Variants in TRAF2 observed in about 807,000 individuals in gnomAD.
The protein encoded by TRAF2 is TNF receptor-associated factor 2.
Under a neutral mutation model 55.6 loss-of-function variants are expected in TRAF2, and 6 were observed. The ratio of observed to expected loss-of-function variants is 0.11; its 90% CI spans 0.06 to 0.21. TRAF2 has a LOEUF of 0.21. Among genes scored for constraint, TRAF2 ranks in the 10% least tolerant of loss-of-function variants. The probability of loss-of-function intolerance (pLI) is 1.00; values close to 1 mark genes in which losing one functional copy is unlikely to be tolerated. For synonymous variants in TRAF2, 329 were observed against 276.3 expected (o/e 1.19, Z -1.89); for missense variants, 561 against 684.5 (o/e 0.82, Z 2.01).
chr9:136,913,969 C>T (rs537015542), intron 6 of TRAF2, among the ~76,000 whole-genome samples: 1 of 152,094 alleles, frequency 6.6e-6, no homozygotes, highest in Admixed American at 6.6e-5. Context: ...CTGTGGGGCT[C>T]GCTGGATAGG....
rs185299204 is a variant in TRAF2, at chr9:136,891,302, G to T, written c.-29+4761G>T. Among the ~76,000 whole-genome samples, 224 of 152,050 alleles carry T rather than the reference G, an allele frequency of 1.5e-3. No individual in the cohort carries two copies. In the Middle Eastern group the frequency reaches 0.024, roughly 16 times the overall value. The stretch of plus-strand genomic sequence containing the variant: ...TTTTTGTATTTTTAGTGGAGACGGG[G>T]TCTCACCATGTTGGCCAGCCTGGTC... On this transcript the variant is annotated intron_variant, in intron 1 of 10. Transcript: ENST00000247668.
chr9:136,910,137 GGATGC>G (rs1310040261), intron 6 of TRAF2, 143 bp downstream of exon 6: 1 of 922,112 alleles, frequency 1.1e-6, no homozygotes, highest in African/African-American at 1.6e-5. Context: ...GTTGGGTCAT[GGATGC>G]GTTCAGGGTG....
intron 2 of TRAF2, 29 bp from the exon 3 acceptor site, chr9:136,899,565 G>A: frequency 1.3e-6 from 2 of 1,597,562 alleles, no homozygotes; most frequent in Non-Finnish European, 1.7e-6. Context: ...TTTCACAGTG[G>A]GTTGTTTTTT....
intron 1 of TRAF2, among the ~76,000 whole-genome samples, chr9:136,898,098 C>T: frequency 6.7e-6 from 1 of 149,356 alleles, no homozygotes; most frequent in African/African-American, 2.5e-5. Context: ...TGCTACATTC[C>T]CGCTCTCGGG....
intron 6 of TRAF2, among the ~76,000 whole-genome samples, chr9:136,911,125 C>A (rs996222913): frequency 2.0e-5 from 3 of 152,326 alleles, no homozygotes; most frequent in Middle Eastern, 3.4e-3. Context: ...GGAGGTGATT[C>A]TTTCCTTGAG....
chr9:136,886,227 C>G (rs1849442604), upstream of TRAF2: 1 of 201,684 alleles, frequency 5.0e-6, no homozygotes, highest in Non-Finnish European at 8.8e-6. Flanking sequence ...TCACCAGCTC[C>G]CCGCACCAAC....
chr9:136,899,540 G>A (rs2131291961), intron 2 of TRAF2, 54 bp from the exon 3 acceptor site: 1 of 1,551,488 alleles, frequency 6.4e-7, no homozygotes, highest in Non-Finnish European at 8.8e-7. Context: ...AATGGTGTTT[G>A]TTTTTTGCAT....
At chr9:136,893,097 T>G (rs1849613916) in intron 1 of TRAF2, among the ~76,000 whole-genome samples, 1 of 152,166 alleles carries the variant, frequency 6.6e-6, no homozygotes, top group South Asian at 2.1e-4. Context: ...CACCTCAGTT[T>G]GCCACGGCTG....
chr9:136,909,197 C>T (rs1019668982), intron 5 of TRAF2, among the ~76,000 whole-genome samples: 1 of 39,884 alleles, frequency 2.5e-5, no homozygotes, highest in African/African-American at 1.3e-4. Context: ...GACAGTTGCT[C>T]AAGTCTGACT....
At chr9:136,906,384 A>G (rs1386203136) in intron 4 of TRAF2, among the ~76,000 whole-genome samples, 1 of 152,192 alleles carries the variant, frequency 6.6e-6, no homozygotes, top group Non-Finnish European at 1.5e-5. Flanking sequence ...TCATGGAGGA[A>G]GGCAAAGGAG....
intron 5 of TRAF2, among the ~76,000 whole-genome samples, chr9:136,909,466 T>C (rs1214803318): frequency 6.6e-6 from 1 of 152,188 alleles, no homozygotes; most frequent in Non-Finnish European, 1.5e-5. Context: ...TGCACTTCCC[T>C]GTAAACTGTC....
intron 4 of TRAF2, 147 bp from the exon 5 acceptor site, chr9:136,907,923 C>T (rs1371668511): frequency 1.1e-6 from 1 of 929,376 alleles, no homozygotes; most frequent in African/African-American, 1.7e-5. Context: ...CCTGTGGGAG[C>T]CCTGAGAGCT....
chr9:136,899,365 C>G (rs1047198418), intron 2 of TRAF2, among the ~76,000 whole-genome samples: 11 of 152,160 alleles, frequency 7.2e-5, no homozygotes, highest in Admixed American at 6.5e-4. Context: ...CAGCAGATGT[C>G]CTTGGCGGTT....
intron 1 of TRAF2, among the ~76,000 whole-genome samples, chr9:136,898,333 C>T (rs1367928125): frequency 2.0e-5 from 3 of 152,202 alleles, no homozygotes; most frequent in African/African-American, 7.2e-5. Flanking sequence ...TGGGGGAGAC[C>T]AAAGGGCCTA....
intron 4 of TRAF2, among the ~76,000 whole-genome samples, chr9:136,904,780 G>T (rs4880156): frequency 1.3e-5 from 2 of 151,876 alleles, no homozygotes; most frequent in East Asian, 1.9e-4. Context: ...TCATAAGCCA[G>T]AATAGTTGCT....
upstream of TRAF2, chr9:136,886,491 G>GGGGGCGGTAGC: frequency 1.0e-6 from 1 of 1,002,808 alleles, no homozygotes; most frequent in South Asian, 4.3e-5. Flanking sequence ...CGGCGGCGTT[G>GGGGGCGGTAGC]GGGGCGGTAG....
At chr9:136,886,651 GC>G in intron 1 of TRAF2, 110 bp downstream of exon 1, 1 of 733,714 alleles carries the variant, frequency 1.4e-6, no homozygotes, top group Non-Finnish European at 1.7e-6. Flanking sequence ...GAGACTCCGG[GC>G]CGGAGCGGGA....
intron 6 of TRAF2, among the ~76,000 whole-genome samples, chr9:136,915,354 A>T (rs1250756161): frequency 6.6e-6 from 1 of 151,896 alleles, no homozygotes; most frequent in Non-Finnish European, 1.5e-5. Flanking sequence ...GTCTCCCGAG[A>T]CTTGCCAGCA....
upstream of TRAF2, chr9:136,886,405 C>A (rs17250001): frequency 0.042 from 41,949 of 990,776 alleles, 966 homozygotes; most frequent in Middle Eastern, 0.046. Flanking sequence ...ATGGCTCTCG[C>A]TACAGCTTCC....
Sources: allele counts gnomAD v4.1 joint callset (sites outside exome capture counted in the v4.1 genomes callset), GRCh38; gene constraint gnomAD v4.1.1; transcripts MANE v1.5; gene names NCBI Gene and HGNC (gene_info 2026-07-23, HGNC 2026-07-21).